The following NHS variants were observed in gnomAD, a reference collection of about 807,000 sequenced individuals.
The protein encoded by NHS is NHS actin remodeling regulator.
A neutral mutation model predicts 72.5 loss-of-function variants in NHS; 5 were observed. The observed-to-expected ratio is 0.07, with a 90% CI of 0.04 to 0.14. The LOEUF (loss-of-function observed/expected upper bound fraction) is 0.14, where lower values mean the gene tolerates loss of function less well. Among genes scored for constraint, NHS ranks in the 10% least tolerant of loss-of-function variants. NHS has a pLI of 1.00. For synonymous variants in NHS, 464 were observed against 547.7 expected, an observed-to-expected ratio of 0.85 and a Z score of 2.13; for missense variants, 1,072 against 1,355.7, an observed-to-expected ratio of 0.79 and a Z score of 3.29.
chrX:17,538,518 G>A (rs1333159889), intron 1 of NHS, among the ~76,000 whole-genome samples: 2 of 111,711 alleles, frequency 1.8e-5, no homozygotes, highest in African/African-American at 3.3e-5. Flanking sequence ...AGGAGGTGAG[G>A]AAGCTGGGGT....
rs192725862 is a variant in NHS at position 17,556,504 on chromosome X, T to G, written c.566-131238T>G. Reference sequence around the variant, plus strand: ...AACCACAGCAAGAGCTGATGCTTACTGGGTACTCACCATGTACCTGGCTGT... The same window carrying G: ...AACCACAGCAAGAGCTGATGCTTACGGGGTACTCACCATGTACCTGGCTGT... On this transcript the variant is annotated intron_variant, in intron 1 of 8. Coordinates refer to ENST00000676302, the MANE Select transcript of NHS (RefSeq NM_001291867.2). Among the ~76,000 whole-genome samples the G allele has an allele frequency of 2.6e-5, 3 of 113,270 alleles. No individual in the cohort carries two copies. The Admixed American group carries it at 2.8e-4, about 10-fold the overall frequency.
At chrX:17,466,155 A>G (rs367949607) in intron 1 of NHS, among the ~76,000 whole-genome samples, 1 of 113,329 alleles carries the variant, frequency 8.8e-6, no homozygotes, top group South Asian at 3.6e-4. Context: ...GTCGGGCATC[A>G]TATTTACCTC....
intron 3 of NHS, among the ~76,000 whole-genome samples, chrX:17,709,281 T>C (rs1202733799): frequency 9.0e-6 from 1 of 111,639 alleles, no homozygotes; most frequent in Non-Finnish European, 1.9e-5. Flanking sequence ...TTCCCCTCTA[T>C]ACCCATTTTC....
chrX:17,557,588 T>A (rs1055515783), intron 1 of NHS, among the ~76,000 whole-genome samples: 3 of 110,932 alleles, frequency 2.7e-5, no homozygotes, highest in Non-Finnish European at 3.8e-5. Context: ...AAACAACACA[T>A]ATTTACGATC....
At chrX:17,431,544 C>T (rs1206756357) in intron 1 of NHS, among the ~76,000 whole-genome samples, 1 of 111,410 alleles carries the variant, frequency 9.0e-6, no homozygotes, top group Non-Finnish European at 1.9e-5. Context: ...ATGCTTTTTC[C>T]TAAACTCAAC....
intron 1 of NHS, among the ~76,000 whole-genome samples, chrX:17,378,261 A>G (rs1043241296): frequency 4.5e-5 from 5 of 111,979 alleles, no homozygotes; most frequent in African/African-American, 1.3e-4. Flanking sequence ...GTTAGTAGAG[A>G]TAAGAGAGGA....
intron 1 of NHS, among the ~76,000 whole-genome samples, chrX:17,639,495 A>G (rs1368349693): frequency 9.0e-6 from 1 of 111,290 alleles, no homozygotes; most frequent in Non-Finnish European, 1.9e-5. Flanking sequence ...ACATTGTGGA[A>G]GGCATCCCAG....
intron 1 of NHS, among the ~76,000 whole-genome samples, chrX:17,469,661 C>G (rs770155244): frequency 1.8e-5 from 2 of 112,246 alleles, no homozygotes; most frequent in Admixed American, 1.9e-4. Context: ...TTGTTTGAGT[C>G]TCACTGTGTC....
At chrX:17,417,804 C>T (rs2064603943) in intron 1 of NHS, among the ~76,000 whole-genome samples, 1 of 112,215 alleles carries the variant, frequency 8.9e-6, no homozygotes, top group Non-Finnish European at 1.9e-5. Flanking sequence ...TCTGCATATT[C>T]TGTAGAATGT....
intron 1 of NHS, among the ~76,000 whole-genome samples, chrX:17,468,462 C>G (rs1290364155): frequency 9.2e-6 from 1 of 108,439 alleles, no homozygotes; most frequent in East Asian, 2.9e-4. Flanking sequence ...ACTGAGAACA[C>G]CAAAACCGAT....
intron 1 of NHS, among the ~76,000 whole-genome samples, chrX:17,585,032 A>G (rs985190539): frequency 8.9e-6 from 1 of 111,960 alleles, no homozygotes; most frequent in African/African-American, 3.3e-5. Context: ...TATGTTGCTC[A>G]GGCTGGTCTT....
intron 1 of NHS, among the ~76,000 whole-genome samples, chrX:17,683,082 A>T (rs1177347819): frequency 8.9e-6 from 1 of 112,143 alleles, no homozygotes; most frequent in Non-Finnish European, 1.9e-5. Flanking sequence ...CAAGATCTTG[A>T]CAATTCCATT....
At chrX:17,482,865 A>G (rs1259901778) in intron 1 of NHS, among the ~76,000 whole-genome samples, 1 of 112,077 alleles carries the variant, frequency 8.9e-6, no homozygotes, top group Non-Finnish European at 1.9e-5. Flanking sequence ...TGTATGTACA[A>G]CTCATAGAAT....
intron 1 of NHS, among the ~76,000 whole-genome samples, chrX:17,682,707 G>A (rs1476425380): frequency 1.8e-5 from 2 of 111,287 alleles, no homozygotes; most frequent in Non-Finnish European, 3.8e-5. Context: ...CCAGTGTGGG[G>A]TGGGGATGTG....
chrX:17,723,349 G>GA (rs1165066839), intron 5 of NHS, among the ~76,000 whole-genome samples: 1 of 111,919 alleles, frequency 8.9e-6, no homozygotes, highest in African/African-American at 3.3e-5. Flanking sequence ...AGCTCACTTT[G>GA]AAAAATCCAT....
Position 17,656,487 on chromosome X carries a change from G to A in NHS, c.566-31255G>A, listed in dbSNP as rs927961464. 1.8e-3 allele frequency among the ~76,000 whole-genome samples: 204 copies of A among 112,201 alleles called. 1 individual carries two copies. The highest frequency in any genetic ancestry group is 0.014 in the Middle Eastern group (3 of 215). ...GGTTGGGGGAGGCTCGAGGCCAGCC[G>A]CGCGCTAGCCCGAGAGGAGATCCCC... On this transcript the variant is annotated intron_variant, in intron 1 of 8. Transcript: ENST00000676302.
At chrX:17,558,847 A>G (rs1343546900) in intron 1 of NHS, among the ~76,000 whole-genome samples, 1 of 112,432 alleles carries the variant, frequency 8.9e-6, no homozygotes, top group African/African-American at 3.2e-5. Context: ...CATGAAAAGA[A>G]TGGATCTTCA....
chrX:17,605,093 T>C (rs761722046), intron 1 of NHS, among the ~76,000 whole-genome samples: 90 of 112,222 alleles, frequency 8.0e-4, no homozygotes, highest in Admixed American at 2.1e-3. Flanking sequence ...TAAAGGGGCA[T>C]CTATTCTCAG....
intron 1 of NHS, among the ~76,000 whole-genome samples, chrX:17,382,155 G>A (rs1475519916): frequency 5.4e-5 from 6 of 111,290 alleles, no homozygotes; most frequent in Non-Finnish European, 9.4e-5. Context: ...GTACATGTGC[G>A]GGCTTGATAT....
Sources: gnomAD v4.1 joint callset for allele counts (sites outside exome capture counted in the v4.1 genomes callset) on GRCh38, gnomAD v4.1.1 for gene constraint, MANE v1.5 for transcripts, NCBI Gene and HGNC (gene_info 2026-07-23, HGNC 2026-07-21) for gene names.